The following SPTBN1 variants were observed in gnomAD, a reference collection of about 807,000 sequenced individuals.
SPTBN1 encodes spectrin beta chain, non-erythrocytic 1.
In SPTBN1, 32 loss-of-function variants were observed where a neutral mutation model predicts 266.4. The observed-to-expected ratio is 0.12, with a 90% confidence interval of 0.09 to 0.16. SPTBN1 has a LOEUF of 0.16. Ranked by LOEUF, SPTBN1 falls within the 10% of genes least tolerant of loss-of-function variation. The pLI is 1.00. For missense variants in SPTBN1, 2,296 were observed against 3,067.1 expected (o/e 0.75, Z 5.94); for synonymous variants, 1,336 against 1,162.2 (o/e 1.15, Z -3.04).
At chr2:54,625,222 A>T (rs1376538339) in intron 11 of SPTBN1, among the ~76,000 whole-genome samples, 1 of 152,204 alleles carries the variant, frequency 6.6e-6, no homozygotes, top group African/African-American at 2.4e-5. Context: ...TGAACTGTTC[A>T]CATTTATAAG....
intron 11 of SPTBN1, 21 bp from the exon 12 acceptor site, chr2:54,625,911 T>C: frequency 1.2e-6 from 2 of 1,607,006 alleles, no homozygotes; most frequent in East Asian, 4.5e-5. Context: ...TTTTCCTTCT[T>C]TTCATTCCGT....
chr2:54,651,763 A>G (rs1239871103), intron 26 of SPTBN1, among the ~76,000 whole-genome samples: 2 of 152,216 alleles, frequency 1.3e-5, no homozygotes, highest in African/African-American at 4.8e-5. Flanking sequence ...CTTTTCAGAT[A>G]ATTTCCTAGG....
chr2:54,643,274 C>G (rs892048224), intron 19 of SPTBN1, 145 bp downstream of exon 19: 3 of 1,240,562 alleles, frequency 2.4e-6, no homozygotes. Context: ...TCCCTTTGCA[C>G]GTACGGGTTC....
intron 2 of SPTBN1, among the ~76,000 whole-genome samples, chr2:54,536,786 C>A (rs758698403): frequency 6.6e-6 from 1 of 152,168 alleles, no homozygotes; most frequent in Non-Finnish European, 1.5e-5. Flanking sequence ...TATCCCAGCA[C>A]TTTGGGAGGC....
At chr2:54,619,091 G>GA (rs757343718) in intron 7 of SPTBN1, among the ~76,000 whole-genome samples, 2 of 152,110 alleles carry the variant, frequency 1.3e-5, no homozygotes, top group African/African-American at 2.4e-5. Context: ...TATTAGAGAG[G>GA]AAAAAAACTG....
intron 1 of SPTBN1, among the ~76,000 whole-genome samples, chr2:54,468,187 G>A (rs1693734302): frequency 6.6e-6 from 1 of 152,016 alleles, no homozygotes; most frequent in Non-Finnish European, 1.5e-5. Flanking sequence ...GGCTTCTCTA[G>A]TCCCAGCTAC....
At chr2:54,514,977 T>G (rs370886749) in intron 1 of SPTBN1, among the ~76,000 whole-genome samples, 1 of 152,184 alleles carries the variant, frequency 6.6e-6, no homozygotes, top group African/African-American at 2.4e-5. Flanking sequence ...AAAATATGGT[T>G]TAGGAGTCAT....
rs1203538419 is a variant in SPTBN1, at chr2:54,628,518, T to C, written c.1798+268T>C. On this transcript the variant is annotated intron_variant, in intron 13 of 35. Transcript: ENST00000356805. The surrounding 1 kb of genome is among the most constrained non-coding windows in gnomAD (Gnocchi z 4.3). ...TGAGACTTTGTCATACCTCAGTCTC[T>C]CTGGCCATGCACCGACACCCTGGTG... Among the ~76,000 whole-genome samples, 1 of 152,234 alleles carries C rather than the reference T, an allele frequency of 6.6e-6. No individual in the cohort carries two copies. Among genetic ancestry groups the C allele is most frequent in the East Asian group, 1.9e-4 (1 of 5,204 alleles).
intron 2 of SPTBN1, among the ~76,000 whole-genome samples, chr2:54,573,793 A>T (rs1573445398): frequency 6.6e-6 from 1 of 152,276 alleles, no homozygotes; most frequent in South Asian, 2.1e-4. Context: ...CACTAGGGCC[A>T]CAGGGGTGTA....
chr2:54,530,247 G>A (rs1671134353), intron 2 of SPTBN1, among the ~76,000 whole-genome samples: 1 of 151,572 alleles, frequency 6.6e-6, no homozygotes, highest in South Asian at 2.1e-4. Flanking sequence ...GCTGCTTTCA[G>A]GGTTTATGTA....
rs1672776311 is a variant in SPTBN1, at chr2:54,554,933, C to T, written c.148+28367C>T. Among the ~76,000 whole-genome samples, 1 of 152,244 alleles carries T rather than the reference C, an allele frequency of 6.6e-6. No homozygotes were observed. The highest frequency in any genetic ancestry group is 2.1e-4 in the South Asian group (1 of 4,834). On this transcript the variant is annotated intron_variant, in intron 2 of 35. Transcript: ENST00000356805. This position sits in a 1 kb window ranked among gnomAD's most constrained non-coding sequence, Gnocchi z 4.5. ...GCTTCTTCTTCGTCCTCCTCCTCCT[C>T]CTTTCTCGTTATTTTCTAACTCCCT...
intron 2 of SPTBN1, among the ~76,000 whole-genome samples, chr2:54,591,225 A>G (rs1378949688): frequency 6.6e-6 from 1 of 152,220 alleles, no homozygotes; most frequent in East Asian, 1.9e-4. Context: ...GAGCTCACTA[A>G]TACTCTCAAT....
intron 32 of SPTBN1, 35 bp downstream of exon 32, chr2:54,660,034 A>G (rs1165478879): frequency 2.5e-6 from 4 of 1,614,088 alleles, no homozygotes; most frequent in South Asian, 1.1e-5. Context: ...CAAAACTACA[A>G]AAACTTTAAT....
chr2:54,468,051 C>T (rs1693727218), intron 1 of SPTBN1, among the ~76,000 whole-genome samples: 1 of 152,062 alleles, frequency 6.6e-6, no homozygotes, highest in Non-Finnish European at 1.5e-5. Context: ...GCTCACGCCT[C>T]TAATGCCAGC....
intron 1 of SPTBN1, among the ~76,000 whole-genome samples, chr2:54,486,143 A>AG (rs1194872615): frequency 2.2e-5 from 3 of 136,058 alleles, no homozygotes; most frequent in African/African-American, 8.1e-5. Context: ...CTGGGAGGTG[A>AG]GGGGCGCCTC....
chr2:54,666,769 T>G (rs1681399643), intron 34 of SPTBN1, among the ~76,000 whole-genome samples: 1 of 152,272 alleles, frequency 6.6e-6, no homozygotes, highest in Non-Finnish European at 1.5e-5. Context: ...CTTTGGGATC[T>G]GAAAAGCTTT....
Position 54,580,621 on chromosome 2 carries a change from A to G in SPTBN1, c.149-18471A>G, listed in dbSNP as rs531744329. Among the ~76,000 whole-genome samples the G allele has an allele frequency of 3.6e-4, 55 of 151,756 alleles. 1 individual carries two copies. Among genetic ancestry groups the G allele is most frequent in the African/African-American group, 9.9e-4 (41 of 41,288 alleles). ...TAACCAAAAAAAAAAAAAAATCTCC[A>G]AAATCTTCTCTCTTGCATTGTTTAT... On this transcript the variant is annotated intron_variant, in intron 2 of 35. Transcript: ENST00000356805.
At position 54,610,333 on chromosome 2, in the gene SPTBN1, G is replaced by T. The variant is rs999216754; in HGVS notation, c.301-1828G>T. Among the ~76,000 whole-genome samples, 11 of 152,174 alleles carry T rather than the reference G, an allele frequency of 7.2e-5. No homozygotes were observed. The East Asian group carries it at 2.1e-3, about 29-fold the overall frequency. On this transcript the variant is annotated intron_variant, in intron 3 of 35. Transcript: ENST00000356805. Reference sequence around the variant, plus strand: ...CTATGCCTTTAAATTGTCATATGATGACTTCATTTTTTCTCAAATCATATT... The same window carrying T: ...CTATGCCTTTAAATTGTCATATGATTACTTCATTTTTTCTCAAATCATATT...
Position 54,646,159 on chromosome 2 carries a change from A to G in SPTBN1, c.4585-35A>G. On this transcript the variant is annotated intron_variant, in intron 22 of 35. Transcript: ENST00000356805. The surrounding 1 kb of genome is among the most constrained non-coding windows in gnomAD (Gnocchi z 4.4). Reference sequence around the variant, plus strand: ...CATAAGCAGCAGACGGCTGCCATTTAGCAAGCCTTTGTGTGTATTTTCCGC... The same window carrying G: ...CATAAGCAGCAGACGGCTGCCATTTGGCAAGCCTTTGTGTGTATTTTCCGC... 2 of 1,592,840 alleles carry G rather than the reference A, an allele frequency of 1.3e-6. No individual in the cohort carries two copies. The highest frequency in any genetic ancestry group is 1.7e-6 in the Non-Finnish European group (2 of 1,168,230).
Sources: allele counts gnomAD v4.1 joint callset (sites outside exome capture counted in the v4.1 genomes callset), GRCh38; gene constraint gnomAD v4.1.1; non-coding constraint Gnocchi (gnomAD v3.1); transcripts MANE v1.5; gene names NCBI Gene and HGNC (gene_info 2026-07-23, HGNC 2026-07-21).